KDSR: variants seen among roughly 807,000 people sequenced by gnomAD.
The protein encoded by KDSR is 3-ketodihydrosphingosine reductase.
In KDSR, 23 loss-of-function variants were observed where a neutral mutation model predicts 41.3. The ratio of observed to expected loss-of-function variants is 0.56; its 90% CI spans 0.40 to 0.79. The LOEUF (loss-of-function observed/expected upper bound fraction) is 0.79. Ranked by LOEUF, KDSR falls within the 30% of genes least tolerant of loss-of-function variation. The probability of loss-of-function intolerance (pLI) is 0.00; values close to 1 mark genes in which losing one functional copy is unlikely to be tolerated. For synonymous variants in KDSR, 138 were observed against 151.7 expected (o/e 0.91, Z 0.66); for missense variants, 351 against 416.8 (o/e 0.84, Z 1.37).
chr18:63,351,598 A>T (rs1427893117), intron 5 of KDSR, among the ~76,000 whole-genome samples: 1 of 152,224 alleles, frequency 6.6e-6, no homozygotes, highest in Non-Finnish European at 1.5e-5. Context: ...GCTGTAAACA[A>T]GGTCAACAAG....
intron 6 of KDSR, among the ~76,000 whole-genome samples, chr18:63,350,090 G>A (rs139573789): frequency 6.6e-6 from 1 of 152,220 alleles, no homozygotes; most frequent in East Asian, 1.9e-4. Context: ...CATCCCTTGC[G>A]GATAAGAGGG....
chr18:63,329,734 A>G lies in KDSR; in HGVS notation c.*2048T>C, dbSNP rs1464183514. On this transcript the variant is annotated 3_prime_UTR_variant, in exon 10 of 10. Coordinates refer to ENST00000645214, the MANE Select transcript of KDSR (RefSeq NM_002035.4). ...AAAAATATATTGAAATAACTATTTA[A>G]TGTTATTAAATCAGACACTTTCTTG... is the stretch of plus-strand genomic sequence containing the variant. The G allele has an allele frequency of 5.2e-6, 1 of 193,166 alleles. No individual in the cohort carries two copies. Among genetic ancestry groups the G allele is most frequent in the African/African-American group, 2.3e-5 (1 of 43,056 alleles). The allele number at this position is 193,166 out of a possible 1,614,324, so 12.0% of individuals were successfully genotyped here. A position where few individuals can be genotyped will look rare whatever the true frequency, so the allele number is the denominator to read the frequency against.
At chr18:63,359,711 A>C in intron 3 of KDSR, 25 bp downstream of exon 3, 1 of 1,493,450 alleles carries the variant, frequency 6.7e-7, no homozygotes. Flanking sequence ...TATACAGAAA[A>C]TGCATTCTGA....
At chr18:63,366,847 C>A (rs1385579339) in intron 1 of KDSR, among the ~76,000 whole-genome samples, 164 bp downstream of exon 1, 1 of 151,574 alleles carries the variant, frequency 6.6e-6, no homozygotes, top group Non-Finnish European at 1.5e-5. Context: ...GTGCCGGGGC[C>A]GGGGGAAAAG....
rs1263581767 is a variant in KDSR, at chr18:63,367,190, G to T, written c.-72C>A. 6.7e-6 allele frequency: 5 copies of T among 743,534 alleles called. No homozygotes were observed. The African/African-American group carries it at 9.4e-5, about 14-fold the overall frequency. The allele number at this position is 743,534 out of a possible 1,614,324, so 46.1% of individuals were successfully genotyped here. A position where few individuals can be genotyped will look rare whatever the true frequency, so the allele number is the denominator to read the frequency against. ...GGCAAGGCGCGCAGGGCTGGGCTGCGGCGAGGCGAGAATCACGCGCGGCGG... is the reference window on the plus strand; with the variant it reads ...GGCAAGGCGCGCAGGGCTGGGCTGCTGCGAGGCGAGAATCACGCGCGGCGG... On this transcript the variant is annotated 5_prime_UTR_variant, in exon 1 of 10. Coordinates refer to ENST00000645214, the MANE Select transcript of KDSR (RefSeq NM_002035.4).
At chr18:63,361,059 TGTAA>T (rs1568283980) in intron 2 of KDSR, among the ~76,000 whole-genome samples, 1 of 125,522 alleles carries the variant, frequency 8.0e-6, no homozygotes, top group Non-Finnish European at 1.6e-5. Flanking sequence ...TTTATATATA[TGTAA>T]ATATATATAC....
Position 63,329,870 on chromosome 18 carries a change from A to C in KDSR, c.*1912T>G, listed in dbSNP as rs894263376. 2 of 194,160 alleles carry C rather than the reference A, an allele frequency of 1.0e-5. No individual in the cohort carries two copies. The highest frequency in any genetic ancestry group is 4.6e-5 in the African/African-American group (2 of 43,174). The allele number at this position is 194,160 out of a possible 1,614,324, so 12.0% of individuals were successfully genotyped here. A position where few individuals can be genotyped will look rare whatever the true frequency, so the allele number is the denominator to read the frequency against. ...AGACATTAATGCAATTGTTTTCTGC[A>C]AATTATAAAAAGCTATGATTCCATT... On this transcript the variant is annotated 3_prime_UTR_variant, in exon 10 of 10. Transcript: ENST00000645214.
In KDSR at chr18:63,362,802, T is replaced by A; in HGVS notation, c.175A>T (p.Ile59Leu). 1 of 1,613,470 alleles carries A rather than the reference T, an allele frequency of 6.2e-7. No homozygotes were observed. ...AIECYKQGAF[I>L]TLVARNEDKL... ...ACCTCATTTCGTGCAACCAGAGTTATAAAAGCTCCTTGTTTATAGCACTCG... is the reference window on the plus strand; with the variant it reads ...ACCTCATTTCGTGCAACCAGAGTTAAAAAAGCTCCTTGTTTATAGCACTCG... The change falls in exon 2 of 10, where the codon ATA becomes TTA. Residue 59 changes from isoleucine to leucine, a missense_variant. Coordinates refer to ENST00000645214, the MANE Select transcript of KDSR (RefSeq NM_002035.4).
intron 9 of KDSR, among the ~76,000 whole-genome samples, chr18:63,334,225 C>A (rs1914092369): frequency 6.6e-6 from 1 of 152,200 alleles, no homozygotes; most frequent in African/African-American, 2.4e-5. Context: ...ACAACTAAGT[C>A]ATTTATATAA....
rs1913941523 is a variant in KDSR at position 63,330,283 on chromosome 18, C to A, written c.*1499G>T. 1 of 214,722 alleles carries A rather than the reference C, an allele frequency of 4.7e-6. No individual in the cohort carries two copies. Among genetic ancestry groups the A allele is most frequent in the Admixed American group, 5.8e-5 (1 of 17,104 alleles). The allele number at this position is 214,722 out of a possible 1,614,324, so 13.3% of individuals were successfully genotyped here. On this transcript the variant is annotated 3_prime_UTR_variant, in exon 10 of 10. Coordinates refer to ENST00000645214, the MANE Select transcript of KDSR (RefSeq NM_002035.4). The stretch of plus-strand genomic sequence containing the variant: ...AAGTTTCCTCTTCAAAAACAGAGGT[C>A]TTTTCTCACCGAAGTGATCTGGAAT...
chr18:63,361,618 C>G (rs562594009), intron 2 of KDSR, among the ~76,000 whole-genome samples: 5 of 152,018 alleles, frequency 3.3e-5, no homozygotes, highest in Non-Finnish European at 5.9e-5. Flanking sequence ...AGTTCCAGAC[C>G]AGCCTGACCA....
intron 1 of KDSR, among the ~76,000 whole-genome samples, chr18:63,364,748 C>T (rs56196339): frequency 0.027 from 4,103 of 152,226 alleles, 209 homozygotes; most frequent in African/African-American, 0.094. Flanking sequence ...CCGGCCATAT[C>T]GTTCTAGTCA....
intron 5 of KDSR, among the ~76,000 whole-genome samples, chr18:63,351,451 A>T (rs545621646): frequency 6.6e-6 from 1 of 152,364 alleles, no homozygotes; most frequent in South Asian, 2.1e-4. Flanking sequence ...AAGTATTTGT[A>T]GCCCTATTAG....
chr18:63,361,681 G>T (rs778805928), intron 2 of KDSR, among the ~76,000 whole-genome samples: 1 of 152,022 alleles, frequency 6.6e-6, no homozygotes, highest in African/African-American at 2.4e-5. Context: ...CAGGCGTGGT[G>T]GTGGGCGCCT....
Position 63,344,202 on chromosome 18 carries a change from T to C in KDSR, c.693+208A>G, listed in dbSNP as rs1033148972. ...TATAGAGAAAAAATCTGGTAGAAAT[T>C]TAAACTTTAAGAAAATAAAGTGAGG... On this transcript the variant is annotated intron_variant, in intron 7 of 9. Transcript: ENST00000645214. 2.1e-5 allele frequency: 10 copies of C among 485,896 alleles called. No homozygotes were observed. The Admixed American group carries it at 3.4e-4, about 17-fold the overall frequency. The allele number at this position is 485,896 out of a possible 1,614,324, so 30.1% of individuals were successfully genotyped here.
intron 6 of KDSR, 145 bp from the exon 7 acceptor site, chr18:63,344,638 A>G: frequency 1.8e-6 from 1 of 561,404 alleles, no homozygotes; most frequent in South Asian, 2.5e-5. Context: ...CACCAATTGC[A>G]TTGAGAAACC....
chr18:63,353,010 TAC>T (rs1463492793), intron 5 of KDSR, among the ~76,000 whole-genome samples: 8 of 27,816 alleles, frequency 2.9e-4, no homozygotes, highest in African/African-American at 9.7e-4. Context: ...CTACTAAAAA[TAC>T]AAAAAAAAAA....
chr18:63,361,237 A>T (rs1026784881), intron 2 of KDSR, among the ~76,000 whole-genome samples: 13 of 106,138 alleles, frequency 1.2e-4, no homozygotes, highest in African/African-American at 4.5e-4. Flanking sequence ...AAAAAAAAAA[A>T]GAATGAATTA....
At chr18:63,354,362 G>A (rs988731291) in intron 5 of KDSR, among the ~76,000 whole-genome samples, 4 of 152,090 alleles carry the variant, frequency 2.6e-5, no homozygotes, top group Non-Finnish European at 5.9e-5. Context: ...ACTAAAAAAC[G>A]TTTTCCATTT....
Sources: gnomAD v4.1 joint callset for allele counts (sites outside exome capture counted in the v4.1 genomes callset) on GRCh38, gnomAD v4.1.1 for gene constraint, MANE v1.5 for transcripts, NCBI Gene and HGNC (gene_info 2026-07-23, HGNC 2026-07-21) for gene names.